Variants in PTGFRN observed in about 807,000 individuals in gnomAD.
The protein encoded by PTGFRN is prostaglandin F2 receptor inhibitor, also known as prostaglandin F2 receptor negative regulator.
In PTGFRN, 35 loss-of-function variants were observed where a neutral mutation model predicts 83.2. The observed-to-expected ratio is 0.42, with a 90% confidence interval of 0.32 to 0.56. PTGFRN has a LOEUF of 0.56. Among genes scored for constraint, PTGFRN ranks in the 20% least tolerant of loss-of-function variants. PTGFRN has a pLI of 0.11. For missense variants in PTGFRN, 1,051 were observed against 1,179.5 expected, an observed-to-expected ratio of 0.89 and a Z score of 1.60; for synonymous variants, 519 against 498.6, an observed-to-expected ratio of 1.04 and a Z score of -0.55.
intron 5 of PTGFRN, among the ~76,000 whole-genome samples, chr1:116,964,079 GC>G (rs59288234): frequency 1.3e-5 from 2 of 151,536 alleles, no homozygotes; most frequent in African/African-American, 2.4e-5. Context: ...CGTGCCGGGC[GC>G]CCCCCCTTTT....
Position 116,910,143 on chromosome 1 carries a change from A to C in PTGFRN, c.-61A>C, listed in dbSNP as rs1224791054. On this transcript the variant is annotated 5_prime_UTR_variant, in exon 1 of 9. Coordinates refer to ENST00000393203, the MANE Select transcript of PTGFRN (RefSeq NM_020440.4). ...CTGGAGCAGCCGGAGCTGGAAGAGG[A>C]GGAGGAGGAGAGGCGGCGGGGAAGG... 5 of 1,491,020 alleles carry C rather than the reference A, an allele frequency of 3.4e-6. No homozygotes were observed. In the East Asian group the frequency reaches 1.3e-4, roughly 39 times the overall value. 92.4% of individuals were successfully genotyped at this position (1,491,020 alleles called of 1,614,324 possible).
intron 7 of PTGFRN, among the ~76,000 whole-genome samples, chr1:116,981,830 C>CA: frequency 6.6e-6 from 1 of 152,300 alleles, no homozygotes; most frequent in East Asian, 1.9e-4. Flanking sequence ...ACTTGGCCTG[C>CA]AGGCTGTAAT....
At chr1:116,922,969 G>A (rs1649574600) in intron 1 of PTGFRN, among the ~76,000 whole-genome samples, 1 of 152,158 alleles carries the variant, frequency 6.6e-6, no homozygotes, top group Non-Finnish European at 1.5e-5. Flanking sequence ...GTGAAATGAG[G>A]ACATGTTGGA....
intron 4 of PTGFRN, among the ~76,000 whole-genome samples, chr1:116,955,460 G>C (rs1650463136): frequency 6.6e-6 from 1 of 151,980 alleles, no homozygotes; most frequent in Admixed American, 6.5e-5. Flanking sequence ...CCAGACACCA[G>C]ACACACACAG....
At chr1:116,967,987 T>C (rs1650887259) in intron 6 of PTGFRN, among the ~76,000 whole-genome samples, 1 of 152,180 alleles carries the variant, frequency 6.6e-6, no homozygotes, top group Non-Finnish European at 1.5e-5. Flanking sequence ...TTAGGGAACA[T>C]AGTGGAGTAT....
rs1000438689 is a variant in PTGFRN, at chr1:116,952,110, A to G, written c.1213+2538A>G. On this transcript the variant is annotated intron_variant, in intron 4 of 8. Transcript: ENST00000393203. This position sits in a 1 kb window ranked among gnomAD's most constrained non-coding sequence, Gnocchi z 4.0. ...TAAAATGAATAATTACCATTTATTG[A>G]GCATCTACTGTGTGCCAGGCACTGG... is the stretch of plus-strand genomic sequence containing the variant. Among the ~76,000 whole-genome samples the G allele has an allele frequency of 6.6e-6, 1 of 152,252 alleles. No individual in the cohort carries two copies. The highest frequency in any genetic ancestry group is 1.5e-5 in the Non-Finnish European group (1 of 68,046).
intron 8 of PTGFRN, 139 bp downstream of exon 8, chr1:116,985,124 C>G: frequency 1.0e-5 from 9 of 880,514 alleles, no homozygotes; most frequent in Non-Finnish European, 1.4e-5. Context: ...CTGGCCTGAG[C>G]CTGCACCCAG....
intron 8 of PTGFRN, among the ~76,000 whole-genome samples, chr1:116,985,237 T>G (rs1157285294): frequency 6.6e-6 from 1 of 152,212 alleles, no homozygotes; most frequent in East Asian, 1.9e-4. Flanking sequence ...TTTTCAAGGC[T>G]TTGCCTCTTC....
At chr1:116,975,274 C>T (rs1380951450) in intron 7 of PTGFRN, among the ~76,000 whole-genome samples, 2 of 152,222 alleles carry the variant, frequency 1.3e-5, no homozygotes, top group African/African-American at 4.8e-5. Context: ...GGCCTGCCTG[C>T]CTCTGTAGAC....
chr1:116,975,423 C>A (rs1651117011), intron 7 of PTGFRN, among the ~76,000 whole-genome samples: 1 of 152,224 alleles, frequency 6.6e-6, no homozygotes, highest in Non-Finnish European at 1.5e-5. Flanking sequence ...GACAGACTGC[C>A]TCCCCAAGTG....
intron 1 of PTGFRN, among the ~76,000 whole-genome samples, chr1:116,932,368 A>G (rs758648966): frequency 6.6e-5 from 10 of 152,202 alleles, no homozygotes; most frequent in Non-Finnish European, 1.2e-4. Flanking sequence ...GAAGGCATTT[A>G]ATTACTTTCT....
intron 6 of PTGFRN, 86 bp from the exon 7 acceptor site, chr1:116,974,130 C>G: frequency 9.7e-7 from 1 of 1,032,728 alleles, no homozygotes; most frequent in Non-Finnish European, 1.5e-6. Context: ...AAGAGAACCA[C>G]ATTTTGATGC....
At chr1:116,933,032 C>T (rs1649837240) in intron 1 of PTGFRN, among the ~76,000 whole-genome samples, 1 of 152,314 alleles carries the variant, frequency 6.6e-6, no homozygotes, top group South Asian at 2.1e-4. Flanking sequence ...CTGGCTCAGT[C>T]AGTCAGTGCA....
At position 116,941,352 on chromosome 1, in the gene PTGFRN, T is replaced by A. The variant is rs543939736; in HGVS notation, c.50-363T>A. Among the ~76,000 whole-genome samples the A allele has an allele frequency of 2.8e-4, 42 of 152,320 alleles. No individual in the cohort carries two copies. The highest frequency in any genetic ancestry group is 2.0e-3 in the Admixed American group (31 of 15,308). On this transcript the variant is annotated intron_variant, in intron 1 of 8. Coordinates refer to ENST00000393203, the MANE Select transcript of PTGFRN (RefSeq NM_020440.4). The surrounding 1 kb of genome is among the most constrained non-coding windows in gnomAD (Gnocchi z 5.0). ...AGAAATGTAAACACTTGACTGGCTG[T>A]GCCCTTTTATTTCACACAAAACCTA...
chr1:116,939,470 G>C (rs574244660), intron 1 of PTGFRN, among the ~76,000 whole-genome samples: 2 of 152,344 alleles, frequency 1.3e-5, no homozygotes, highest in African/African-American at 4.8e-5. Context: ...GCTCCTTTCA[G>C]CTATGGCTGG....
At chr1:116,910,396 T>C (rs1557954417) in intron 1 of PTGFRN, 144 bp downstream of exon 1, 1 of 677,670 alleles carries the variant, frequency 1.5e-6, no homozygotes, top group South Asian at 6.9e-5. Context: ...GCGCGGGTTG[T>C]TCGGCCCGGC....
intron 4 of PTGFRN, among the ~76,000 whole-genome samples, chr1:116,954,918 T>C (rs562061671): frequency 5.9e-5 from 9 of 152,246 alleles, no homozygotes; most frequent in Non-Finnish European, 1.3e-4. Flanking sequence ...TGGAAAGCCC[T>C]TGATAAATGC....
rs1328849330 is a variant in PTGFRN, at chr1:116,949,330, C to T, written c.971C>T (p.Thr324Ile). 1.2e-6 allele frequency: 2 copies of T among 1,614,280 alleles called. No individual in the cohort carries two copies. The highest frequency in any genetic ancestry group is 8.5e-7 in the Non-Finnish European group (1 of 1,180,054). ...TCCTTCAGCAGGATGCCTGACAGCA[C>T]CCTACCTGGCTCCCGCGTGTTGGCG... Reference protein sequence around the residue: ...TWSFSRMPDSTLPGSRVLARL... With the variant: ...TWSFSRMPDSILPGSRVLARL... The change falls in exon 4 of 9, where the codon ACC becomes ATC. Residue 324 changes from threonine to isoleucine, a missense_variant. Physicochemically the swap from Thr to Ile is moderately conservative, Grantham distance 89. This residue lies in a region of PTGFRN where 719 missense variants were observed against 836.6 expected (regional missense o/e 0.86). Transcript: ENST00000393203.
In PTGFRN at chr1:116,944,755, C is replaced by T. The variant is rs759625434; in HGVS notation, c.495C>T (p.Phe165=). ...TGAGCCTGCGGGAGGGGGAGCCCTT[C>T]GAGCTGCGCTGCACCGCCGCCTCCG... ...PSLSLREGEP[F]ELRCTAASAS... is the part of the protein sequence containing the mutation. Residue 165 remains phenylalanine (F), a synonymous_variant, in exon 3 of 9, where the codon TTC becomes TTT. Coordinates refer to ENST00000393203, the MANE Select transcript of PTGFRN (RefSeq NM_020440.4). The T allele has an allele frequency of 9.3e-6, 14 of 1,505,580 alleles. No individual in the cohort carries two copies. The Middle Eastern group carries it at 1.4e-3, about 153-fold the overall frequency. The allele number at this position is 1,505,580 out of a possible 1,614,324, so 93.3% of individuals were successfully genotyped here.
Sources: gnomAD v4.1 joint callset for allele counts (sites outside exome capture counted in the v4.1 genomes callset) on GRCh38, gnomAD v4.1.1 for gene constraint, gnomAD v4.1.1 regional missense constraint, Gnocchi (gnomAD v3.1) non-coding constraint, MANE v1.5 for transcripts, NCBI Gene and HGNC (gene_info 2026-07-23, HGNC 2026-07-21) for gene names.